The following GATA3 variants were observed in gnomAD, a reference collection of about 807,000 sequenced individuals.
GATA3 encodes the protein GATA binding protein 3.
GATA3 carries 6 observed loss-of-function variants against 36.0 expected under a neutral mutation model. That is an observed-to-expected ratio of 0.17 (90% CI 0.09 to 0.33). The LOEUF (loss-of-function observed/expected upper bound fraction) is 0.33, where lower values mean the gene tolerates loss of function less well. GATA3 is among the 10% of genes least tolerant of loss of function. The pLI is 1.00. For missense variants in GATA3, 514 were observed against 610.1 expected (o/e 0.84, Z 1.66); for synonymous variants, 326 against 273.0 (o/e 1.19, Z -1.92).
intron 4 of GATA3, among the ~76,000 whole-genome samples, chr10:8,066,880 A>G (rs773837474): frequency 2.0e-5 from 3 of 152,190 alleles, no homozygotes; most frequent in African/African-American, 4.8e-5. Context: ...GATTGCTGTC[A>G]ATAGACTGCA....
At chr10:8,051,199 G>A (rs540922226), upstream of GATA3, 1,023 of 457,164 alleles carry the variant, frequency 2.2e-3, 20 homozygotes, top group South Asian at 0.016. Flanking sequence ...GGGGGTGTGT[G>A]TGGTAGCTTA....
At chr10:8,059,697 G>GT (rs1169395228) in intron 3 of GATA3, among the ~76,000 whole-genome samples, 1 of 152,218 alleles carries the variant, frequency 6.6e-6, no homozygotes, top group Admixed American at 6.5e-5. Context: ...TTTTTATTCA[G>GT]TTGGTGTCAT....
At chr10:8,051,509 TGCG>T (rs561093069), upstream of GATA3, 63 of 156,974 alleles carry the variant, frequency 4.0e-4, no homozygotes, top group South Asian at 1.2e-3. Flanking sequence ...CCCCGGGCCC[TGCG>T]GCGGCGGCGG....
Position 8,054,830 on chromosome 10 carries a change from C to T in GATA3, c.-431C>T, listed in dbSNP as rs957758076. The stretch of plus-strand genomic sequence containing the variant: ...GGAGAGCGAGACAGAGCGAGCAACG[C>T]AATCTGACCGAGCAGGTCGTACGCC... On this transcript the variant is annotated 5_prime_UTR_variant, in exon 1 of 6. Coordinates refer to ENST00000379328, the MANE Select transcript of GATA3 (RefSeq NM_001002295.2). The surrounding 1 kb of genome is among the most constrained non-coding windows in gnomAD (Gnocchi z 4.2). The T allele has an allele frequency of 6.6e-6, 1 of 151,246 alleles. No homozygotes were observed. Among genetic ancestry groups the T allele is most frequent in the Non-Finnish European group, 1.5e-5 (1 of 68,002 alleles). 9.4% of individuals were successfully genotyped at this position (151,246 alleles called of 1,614,324 possible).
upstream of GATA3, chr10:8,050,865 T>C (rs142355088): frequency 9.0e-6 from 4 of 443,270 alleles, no homozygotes; most frequent in East Asian, 6.3e-5. Flanking sequence ...TTAGTAACTT[T>C]AGGACTTCGA....
upstream of GATA3, among the ~76,000 whole-genome samples, chr10:8,051,981 TTC>T: frequency 6.6e-6 from 1 of 151,206 alleles, no homozygotes; most frequent in African/African-American, 2.4e-5. Context: ...TCCTTTTCCC[TTC>T]CCCGCTGCCC....
exon 1 of GATA3, chr10:8,045,498 C>A (rs1035897437): frequency 6.6e-6 from 1 of 152,356 alleles, no homozygotes; most frequent in Non-Finnish European, 1.5e-5. Context: ...AGCTGGCCCT[C>A]GGGAGCGAGC....
At chr10:8,049,751 T>G (rs1832439535), upstream of GATA3, among the ~76,000 whole-genome samples, 1 of 152,128 alleles carries the variant, frequency 6.6e-6, no homozygotes, top group Non-Finnish European at 1.5e-5. Context: ...GCGGTGAGGC[T>G]GGCTGGGTTG....
Position 8,055,297 on chromosome 10 carries a change from G to A in GATA3, c.-359G>A, listed in dbSNP as rs138512915. ...TTCTCTCCCTTGCAGGTGACCCGAGGAGGGACTCCGCCTCCGAGCGGCTGA... is the reference window on the plus strand; with the variant it reads ...TTCTCTCCCTTGCAGGTGACCCGAGAAGGGACTCCGCCTCCGAGCGGCTGA... On this transcript the variant is annotated 5_prime_UTR_variant, in exon 2 of 6. Coordinates refer to ENST00000379328, the MANE Select transcript of GATA3 (RefSeq NM_001002295.2). This position sits in a 1 kb window ranked among gnomAD's most constrained non-coding sequence, Gnocchi z 5.4. The A allele has an allele frequency of 1.3e-3, 536 of 428,676 alleles. 1 individual carries two copies. The highest frequency in any genetic ancestry group is 0.01 in the African/African-American group (488 of 48,086). The allele number at this position is 428,676 out of a possible 1,614,324, so 26.6% of individuals were successfully genotyped here. A position where few individuals can be genotyped will look rare whatever the true frequency, so the allele number is the denominator to read the frequency against.
upstream of GATA3, among the ~76,000 whole-genome samples, chr10:8,049,463 G>C (rs1334131069): frequency 1.3e-5 from 2 of 152,232 alleles, no homozygotes; most frequent in Non-Finnish European, 2.9e-5. Flanking sequence ...CCGCATTTCA[G>C]CTCGCAAGGG....
upstream of GATA3, among the ~76,000 whole-genome samples, chr10:8,050,019 G>A (rs1294407417): frequency 6.6e-6 from 1 of 152,190 alleles, no homozygotes; most frequent in Non-Finnish European, 1.5e-5. Context: ...GGCTAGAGAG[G>A]CCGGCCCTGG....
upstream of GATA3, chr10:8,051,331 A>C: frequency 3.9e-6 from 1 of 253,888 alleles, no homozygotes. Context: ...CGGATAGGCC[A>C]AGCCGGCTGC....
chr10:8,048,175 CGGA>C (rs1487785993), intron 1 of GATA3, among the ~76,000 whole-genome samples: 3 of 152,174 alleles, frequency 2.0e-5, no homozygotes, highest in Non-Finnish European at 2.9e-5. Flanking sequence ...CTGAAGCAGA[CGGA>C]GGAGACTCGG....
chr10:8,053,705 C>A (rs12778360), upstream of GATA3: 18 of 152,452 alleles, frequency 1.2e-4, no homozygotes, highest in African/African-American at 4.3e-4. This position sits in a 1 kb window ranked among gnomAD's most constrained non-coding sequence, Gnocchi z 5.1. Context: ...GAGTCCCGAC[C>A]AGAGGCCGGG....
upstream of GATA3, chr10:8,052,834 A>G (rs1235346777): frequency 7.0e-6 from 1 of 143,308 alleles, no homozygotes; most frequent in Non-Finnish European, 1.5e-5. Flanking sequence ...TGAAAGGAAA[A>G]TCGATGCCTC....
intron 3 of GATA3, among the ~76,000 whole-genome samples, chr10:8,059,200 C>A (rs1467503382): frequency 1.3e-5 from 2 of 152,212 alleles, no homozygotes; most frequent in Non-Finnish European, 2.9e-5. Context: ...GGGAATAATT[C>A]TTGAGTGTTT....
At chr10:8,072,720 C>T (rs1037222681) in intron 5 of GATA3, among the ~76,000 whole-genome samples, 2 of 152,164 alleles carry the variant, frequency 1.3e-5, no homozygotes, top group Admixed American at 6.5e-5. Flanking sequence ...TTGTGCTTTG[C>T]ACCCCATAGG....
chr10:8,070,195 T>C (rs981333472), intron 5 of GATA3, among the ~76,000 whole-genome samples: 69 of 152,188 alleles, frequency 4.5e-4, no homozygotes, highest in African/African-American at 1.6e-3. Flanking sequence ...AGCTAGCTCC[T>C]GAGGAAGGTG....
At position 8,073,982 on chromosome 10, in the gene GATA3, G is replaced by A. The variant is rs889929947; in HGVS notation, c.1294G>A (p.Gly432Arg). 3 of 1,613,966 alleles carry A rather than the reference G, an allele frequency of 1.9e-6. No individual in the cohort carries two copies. The highest frequency in any genetic ancestry group is 2.5e-6 in the Non-Finnish European group (3 of 1,180,022). The change falls in exon 6 of 6, where the codon GGA becomes AGA. Residue 432 changes from glycine (G) to arginine (R), a missense_variant. Coordinates refer to ENST00000379328, the MANE Select transcript of GATA3 (RefSeq NM_001002295.2). ...PMHPPSSLSF[G>R]PHHPSSMVTA... ...GCACCCGCCATCCAGCCTGTCCTTT[G>A]GACCACACCACCCCTCCAGCATGGT...
Sources: gnomAD v4.1 joint callset for allele counts (sites outside exome capture counted in the v4.1 genomes callset) on GRCh38, gnomAD v4.1.1 for gene constraint, Gnocchi (gnomAD v3.1) non-coding constraint, MANE v1.5 for transcripts, NCBI Gene and HGNC (gene_info 2026-07-23, HGNC 2026-07-21) for gene names.